The following PLXDC2 variants were observed in gnomAD, a reference collection of about 807,000 sequenced individuals.
PLXDC2 encodes plexin domain containing 2, also known as plexin domain-containing protein 2.
In PLXDC2, 40 loss-of-function variants were observed where a neutral mutation model predicts 68.9. The ratio of observed to expected loss-of-function variants is 0.58; its 90% CI spans 0.45 to 0.76. The LOEUF is 0.76. Among genes scored for constraint, PLXDC2 ranks in the 30% least tolerant of loss-of-function variants. The probability of loss-of-function intolerance (pLI) is 0.00; values close to 1 mark genes in which losing one functional copy is unlikely to be tolerated. For synonymous variants in PLXDC2, 243 were observed against 234.2 expected, an observed-to-expected ratio of 1.04 and a Z score of -0.34; for missense variants, 644 against 661.9, an observed-to-expected ratio of 0.97 and a Z score of 0.30.
At chr10:20,244,943 C>T (rs1436912154) in intron 12 of PLXDC2, among the ~76,000 whole-genome samples, 5 of 152,010 alleles carry the variant, frequency 3.3e-5, no homozygotes, top group South Asian at 2.1e-4. Context: ...GGTGAAATCC[C>T]ATCTCCACTA....
At chr10:19,844,517 A>G (rs1836965849) in intron 1 of PLXDC2, among the ~76,000 whole-genome samples, 1 of 152,058 alleles carries the variant, frequency 6.6e-6, no homozygotes, top group Non-Finnish European at 1.5e-5. Flanking sequence ...GGGATTTTCT[A>G]ATGCGATGTT....
At chr10:19,854,584 C>T (rs527576749) in intron 1 of PLXDC2, among the ~76,000 whole-genome samples, 38 of 152,218 alleles carry the variant, frequency 2.5e-4, no homozygotes, top group Admixed American at 2.0e-3. Flanking sequence ...TTCATGTAGA[C>T]GCAAGACCTA....
chr10:19,952,173 A>G (rs1388869555), intron 1 of PLXDC2, among the ~76,000 whole-genome samples: 1 of 152,134 alleles, frequency 6.6e-6, no homozygotes, highest in Non-Finnish European at 1.5e-5. Flanking sequence ...TAAAAAATAC[A>G]TTTTTTAAAA....
chr10:20,123,401 A>G (rs1198845893), intron 4 of PLXDC2, among the ~76,000 whole-genome samples: 3 of 152,176 alleles, frequency 2.0e-5, no homozygotes. Context: ...GACGTCAGGC[A>G]TCTCAGATCA....
At chr10:19,956,177 T>C (rs1468660499) in intron 1 of PLXDC2, among the ~76,000 whole-genome samples, 1 of 152,248 alleles carries the variant, frequency 6.6e-6, no homozygotes, top group Non-Finnish European at 1.5e-5. Context: ...TATTTGTTTC[T>C]GTAATCTCCA....
At position 20,217,589 on chromosome 10, in the gene PLXDC2, T is replaced by G; in HGVS notation, c.1273+13T>G. Reference sequence around the variant, plus strand: ...CTCCCTACAGAAGGTACCCAAGAGATAGTTTGCTTTTTTTTTTTTTTTTTT... The same window carrying G: ...CTCCCTACAGAAGGTACCCAAGAGAGAGTTTGCTTTTTTTTTTTTTTTTTT... On this transcript the variant is annotated intron_variant, in intron 11 of 13. Coordinates refer to ENST00000377252, the MANE Select transcript of PLXDC2 (RefSeq NM_032812.9). 9 of 1,359,024 alleles carry G rather than the reference T, an allele frequency of 6.6e-6. No individual in the cohort carries two copies. The highest frequency in any genetic ancestry group is 6.8e-6 in the Non-Finnish European group (7 of 1,025,230). 84.2% of individuals were successfully genotyped at this position (1,359,024 alleles called of 1,614,324 possible).
chr10:20,235,042 A>C (rs1426440239), intron 12 of PLXDC2, among the ~76,000 whole-genome samples: 2 of 152,216 alleles, frequency 1.3e-5, no homozygotes, highest in African/African-American at 4.8e-5. Flanking sequence ...TAGATAGGCT[A>C]CTAGACCTCA....
chr10:20,082,362 A>G (rs2131722163), intron 4 of PLXDC2, among the ~76,000 whole-genome samples: 1 of 152,100 alleles, frequency 6.6e-6, no homozygotes, highest in South Asian at 2.1e-4. Context: ...TCAGGTGTGG[A>G]GTATATGGGA....
intron 3 of PLXDC2, among the ~76,000 whole-genome samples, chr10:20,064,112 T>A (rs1836152621): frequency 6.7e-6 from 1 of 149,620 alleles, no homozygotes; most frequent in African/African-American, 2.5e-5. Context: ...ACCATTTTCT[T>A]GAATCTTTTT....
At chr10:19,896,266 G>T (rs1838056855) in intron 1 of PLXDC2, among the ~76,000 whole-genome samples, 1 of 152,196 alleles carries the variant, frequency 6.6e-6, no homozygotes, top group African/African-American at 2.4e-5. Context: ...CACATGGAAG[G>T]GAAGGCACAT....
intron 1 of PLXDC2, among the ~76,000 whole-genome samples, chr10:19,924,245 C>G (rs1282379333): frequency 6.6e-6 from 1 of 152,186 alleles, no homozygotes; most frequent in Non-Finnish European, 1.5e-5. Context: ...ATCTCTCACT[C>G]TCTTCCTTTA....
At chr10:20,265,872 G>T (rs1352177122) in intron 13 of PLXDC2, among the ~76,000 whole-genome samples, 1 of 152,132 alleles carries the variant, frequency 6.6e-6, no homozygotes, top group Non-Finnish European at 1.5e-5. Context: ...CAAGGCTTTT[G>T]ACAATTACGT....
intron 9 of PLXDC2, among the ~76,000 whole-genome samples, chr10:20,204,841 C>CA (rs1055427292): frequency 2.8e-4 from 43 of 151,976 alleles, no homozygotes; most frequent in Non-Finnish European, 4.9e-4. Context: ...TGGTCCTTTA[C>CA]AAAAAAAGTC....
intron 4 of PLXDC2, among the ~76,000 whole-genome samples, chr10:20,125,187 C>G (rs926138607): frequency 6.6e-6 from 1 of 152,052 alleles, no homozygotes; most frequent in African/African-American, 2.4e-5. Flanking sequence ...TCCACTGGCA[C>G]TTGAGAAGCA....
chr10:20,217,044 C>G (rs1835146910), intron 10 of PLXDC2, among the ~76,000 whole-genome samples: 1 of 152,164 alleles, frequency 6.6e-6, no homozygotes, highest in Non-Finnish European at 1.5e-5. Context: ...TCTCCACAAA[C>G]CTGAGTATGT....
At chr10:20,225,733 C>G (rs2131872494) in intron 12 of PLXDC2, among the ~76,000 whole-genome samples, 1 of 152,184 alleles carries the variant, frequency 6.6e-6, no homozygotes, top group South Asian at 2.1e-4. Context: ...TTTTATTATT[C>G]CAACTTACAA....
chr10:19,949,319 A>G (rs1211717297), intron 1 of PLXDC2, among the ~76,000 whole-genome samples: 4 of 152,160 alleles, frequency 2.6e-5, no homozygotes, highest in Non-Finnish European at 4.4e-5. Context: ...ATACTTGACC[A>G]TTAGTAGTCT....
chr10:19,827,300 G>A (rs1318095457), intron 1 of PLXDC2, among the ~76,000 whole-genome samples: 1 of 152,144 alleles, frequency 6.6e-6, no homozygotes, highest in African/African-American at 2.4e-5. Flanking sequence ...TATCTGATGG[G>A]ACAAACCGGT....
At chr10:19,904,104 T>C (rs1195469615) in intron 1 of PLXDC2, among the ~76,000 whole-genome samples, 4 of 152,170 alleles carry the variant, frequency 2.6e-5, no homozygotes, top group Admixed American at 2.6e-4. Flanking sequence ...TGTCCTATCA[T>C]ATGGTCTGTC....
Sources: allele counts gnomAD v4.1 joint callset (sites outside exome capture counted in the v4.1 genomes callset), GRCh38; gene constraint gnomAD v4.1.1; transcripts MANE v1.5; gene names NCBI Gene and HGNC (gene_info 2026-07-23, HGNC 2026-07-21).